CNTN4: variants seen among roughly 807,000 people sequenced by gnomAD.
CNTN4 encodes contactin-4.
A neutral mutation model predicts 122.5 loss-of-function variants in CNTN4; 77 were observed. The ratio of observed to expected loss-of-function variants is 0.63; its 90% confidence interval spans 0.52 to 0.76. The LOEUF is 0.76. Ranked by LOEUF, CNTN4 falls within the 30% of genes least tolerant of loss-of-function variation. CNTN4 has a pLI of 0.00. For missense variants in CNTN4, 1,256 were observed against 1,259.1 expected (o/e 1.00, Z 0.04); for synonymous variants, 512 against 447.0 (o/e 1.15, Z -1.83).
rs73110957 is a variant in CNTN4 at position 2,858,965 on chromosome 3, G to C, written c.455-7787G>C. ...TTTTCAAGAATAGAATACATTATTA[G>C]TAACTATACTCACCATGTTGTACAA... is the stretch of plus-strand genomic sequence containing the variant. On this transcript the variant is annotated intron_variant, in intron 7 of 24. Transcript: ENST00000418658. Among the ~76,000 whole-genome samples, 1,347 of 152,232 alleles carry C rather than the reference G, an allele frequency of 8.8e-3. 18 individuals carry two copies. Among genetic ancestry groups the C allele is most frequent in the African/African-American group, 0.03 (1,246 of 41,542 alleles).
chr3:3,021,715 G>C (rs949418244), intron 14 of CNTN4, among the ~76,000 whole-genome samples: 1 of 152,200 alleles, frequency 6.6e-6, no homozygotes, highest in Non-Finnish European at 1.5e-5. Context: ...AGGATTGGTA[G>C]GGTATCAGGA....
chr3:2,156,796 A>T (rs1447180600), intron 2 of CNTN4, among the ~76,000 whole-genome samples: 1 of 151,986 alleles, frequency 6.6e-6, no homozygotes, highest in Non-Finnish European at 1.5e-5. Flanking sequence ...ATGAAGAAGG[A>T]TGATGTGTAT....
intron 2 of CNTN4, among the ~76,000 whole-genome samples, chr3:2,167,304 G>A (rs1056349035): frequency 1.4e-4 from 21 of 151,766 alleles, no homozygotes; most frequent in Non-Finnish European, 5.9e-5. Flanking sequence ...GAATGGATGT[G>A]GAAAAGTATA....
chr3:2,940,470 A>G (rs2094603767), intron 13 of CNTN4, among the ~76,000 whole-genome samples: 1 of 152,230 alleles, frequency 6.6e-6, no homozygotes, highest in Non-Finnish European at 1.5e-5. Flanking sequence ...GTGTTAGGTA[A>G]GGAATCGGAA....
chr3:2,544,075 T>G (rs1162633830), intron 3 of CNTN4, among the ~76,000 whole-genome samples: 2 of 152,162 alleles, frequency 1.3e-5, no homozygotes, highest in Non-Finnish European at 2.9e-5. Flanking sequence ...AAGCTACATA[T>G]TTTTATAAAT....
intron 3 of CNTN4, among the ~76,000 whole-genome samples, chr3:2,518,629 T>A (rs1398092737): frequency 1.3e-5 from 2 of 152,154 alleles, no homozygotes; most frequent in African/African-American, 4.8e-5. Context: ...TTAATAGATA[T>A]GTTAAAGATA....
intron 3 of CNTN4, among the ~76,000 whole-genome samples, chr3:2,410,478 T>G (rs2047189925): frequency 6.6e-6 from 1 of 152,216 alleles, no homozygotes; most frequent in African/African-American, 2.4e-5. Context: ...ATTAATCCCT[T>G]CTCTTGACAA....
intron 3 of CNTN4, among the ~76,000 whole-genome samples, chr3:2,519,343 TATGGAATTTTAGGCCTGG>T (rs2077131146): frequency 1.3e-5 from 2 of 152,138 alleles, no homozygotes. Context: ...GACATTCAAT[TATGGAATTTTAGGCCTGG>T]ACATGATCTA....
At chr3:3,046,068 A>C (rs1219697166) in intron 23 of CNTN4, among the ~76,000 whole-genome samples, 1 of 152,226 alleles carries the variant, frequency 6.6e-6, no homozygotes, top group East Asian at 1.9e-4. Flanking sequence ...CAAGAAGAGA[A>C]GTTTAGAGAA....
chr3:2,958,586 C>T (rs762644296), intron 13 of CNTN4, among the ~76,000 whole-genome samples: 16 of 152,248 alleles, frequency 1.1e-4, no homozygotes, highest in Admixed American at 5.2e-4. Flanking sequence ...ATAAGTTCTA[C>T]CCCAAGTAGC....
intron 5 of CNTN4, among the ~76,000 whole-genome samples, chr3:2,737,123 C>A (rs1412877678): frequency 2.0e-5 from 3 of 151,820 alleles, no homozygotes; most frequent in Admixed American, 1.3e-4. Flanking sequence ...CTCTGTCACC[C>A]AGGCTGAAGT....
At chr3:2,992,443 T>C (rs1484448560) in intron 14 of CNTN4, among the ~76,000 whole-genome samples, 3 of 152,190 alleles carry the variant, frequency 2.0e-5, no homozygotes, top group African/African-American at 7.2e-5. Context: ...ATCATTGACA[T>C]CATTAAGAAC....
chr3:2,142,809 G>A (rs2035064137), intron 2 of CNTN4, among the ~76,000 whole-genome samples: 1 of 152,182 alleles, frequency 6.6e-6, no homozygotes, highest in African/African-American at 2.4e-5. Flanking sequence ...TAGAAACTAC[G>A]GCTGCTTTCA....
intron 23 of CNTN4, among the ~76,000 whole-genome samples, chr3:3,050,554 A>G (rs1701155999): frequency 6.6e-6 from 1 of 152,036 alleles, no homozygotes; most frequent in African/African-American, 2.4e-5. Flanking sequence ...ACCTGAGGTC[A>G]GGAGTTTGAG....
At chr3:2,149,333 G>A (rs2125393992) in intron 2 of CNTN4, among the ~76,000 whole-genome samples, 1 of 152,262 alleles carries the variant, frequency 6.6e-6, no homozygotes, top group East Asian at 1.9e-4. Context: ...TTCATGCGGA[G>A]CACATTTATA....
At chr3:3,002,600 A>C (rs1696162837) in intron 14 of CNTN4, among the ~76,000 whole-genome samples, 1 of 152,200 alleles carries the variant, frequency 6.6e-6, no homozygotes, top group African/African-American at 2.4e-5. Flanking sequence ...GGTCCTGTAC[A>C]TCTGGGGGCT....
intron 2 of CNTN4, among the ~76,000 whole-genome samples, chr3:2,196,959 C>T (rs774131606): frequency 6.7e-5 from 10 of 150,244 alleles, no homozygotes; most frequent in East Asian, 2.0e-4. Context: ...GCAGGAGAAT[C>T]GCTTGAACCC....
chr3:2,798,366 AATCT>A (rs1553642389), intron 6 of CNTN4, among the ~76,000 whole-genome samples: 42 of 135,464 alleles, frequency 3.1e-4, no homozygotes, highest in African/African-American at 1.1e-3. Context: ...TACACACATA[AATCT>A]ATCTATCTAT....
chr3:2,805,119 G>A (rs1450469842), intron 6 of CNTN4, among the ~76,000 whole-genome samples: 1 of 152,124 alleles, frequency 6.6e-6, no homozygotes, highest in African/African-American at 2.4e-5. Flanking sequence ...GGAGGTTGCA[G>A]TGAGCCGAGA....
Sources: gnomAD v4.1 joint callset for allele counts (sites outside exome capture counted in the v4.1 genomes callset) on GRCh38, gnomAD v4.1.1 for gene constraint, MANE v1.5 for transcripts, NCBI Gene and HGNC (gene_info 2026-07-23, HGNC 2026-07-21) for gene names.